The following USH2A variants were observed in gnomAD, a reference collection of about 807,000 sequenced individuals.
USH2A encodes the protein usherin.
A neutral mutation model predicts 538.9 loss-of-function variants in USH2A; 443 were observed. The ratio of observed to expected loss-of-function variants is 0.82; its 90% confidence interval spans 0.76 to 0.89. USH2A has a LOEUF of 0.89. USH2A is among the 40% of genes least tolerant of loss of function. The pLI is 0.00. For missense variants in USH2A, 6,633 were observed against 6,324.8 expected (o/e 1.05, Z -1.65); for synonymous variants, 2,413 against 2,273.5 (o/e 1.06, Z -1.75).
chr1:215,886,101 C>T (rs1482520393), intron 41 of USH2A, among the ~76,000 whole-genome samples: 1 of 152,184 alleles, frequency 6.6e-6, no homozygotes, highest in Non-Finnish European at 1.5e-5. Context: ...GTCAATAGAA[C>T]TGAAATTATT....
chr1:215,952,114 T>A (rs1175878812), intron 37 of USH2A, among the ~76,000 whole-genome samples: 2 of 152,138 alleles, frequency 1.3e-5, no homozygotes, highest in Non-Finnish European at 2.9e-5. Flanking sequence ...TCCACCCGCC[T>A]CGGCCTCCCA....
At chr1:215,762,951 G>A (rs1661022954) in intron 56 of USH2A, among the ~76,000 whole-genome samples, 1 of 152,106 alleles carries the variant, frequency 6.6e-6, no homozygotes, top group Non-Finnish European at 1.5e-5. Context: ...TTTATCTTGA[G>A]TTGCATGCCA....
chr1:215,903,743 A>T (rs1223052025), intron 38 of USH2A, among the ~76,000 whole-genome samples: 2 of 152,106 alleles, frequency 1.3e-5, no homozygotes, highest in Non-Finnish European at 2.9e-5. Context: ...GAGCAAAATA[A>T]AAGCAAAGGC....
intron 61 of USH2A, among the ~76,000 whole-genome samples, chr1:215,700,388 G>A (rs1486126123): frequency 6.6e-6 from 1 of 152,146 alleles, no homozygotes; most frequent in African/African-American, 2.4e-5. Context: ...AATTGTACCA[G>A]CTCCTCTTTG....
chr1:216,142,241 T>A (rs1047061373), intron 21 of USH2A, among the ~76,000 whole-genome samples: 46 of 152,118 alleles, frequency 3.0e-4, no homozygotes, highest in African/African-American at 9.4e-4. Context: ...GAAGGTAGGG[T>A]CTCACCACAT....
chr1:216,392,576 G>C (rs2039129837), intron 3 of USH2A, among the ~76,000 whole-genome samples: 1 of 147,050 alleles, frequency 6.8e-6, no homozygotes. Flanking sequence ...AACATCCATT[G>C]TCTTCTCTCA....
chr1:216,088,306 T>C (rs918592836), intron 23 of USH2A, among the ~76,000 whole-genome samples: 42 of 152,122 alleles, frequency 2.8e-4, no homozygotes, highest in African/African-American at 1.0e-3. Flanking sequence ...TCTCAGAATT[T>C]ATCACCACTT....
At chr1:215,973,710 CTA>C (rs1376152531) in intron 35 of USH2A, among the ~76,000 whole-genome samples, 1 of 140,178 alleles carries the variant, frequency 7.1e-6, no homozygotes, top group Admixed American at 7.6e-5. Context: ...CCTTAGCAAT[CTA>C]TGTTGAGAAG....
chr1:216,123,745 C>A (rs1487341966), intron 21 of USH2A, among the ~76,000 whole-genome samples: 1 of 152,086 alleles, frequency 6.6e-6, no homozygotes, highest in African/African-American at 2.4e-5. Flanking sequence ...AAGATTCAAA[C>A]CCAGAAATGT....
rs369033553 is a variant in USH2A at position 215,888,825 on chromosome 1, A to G, written c.7824T>C (p.Cys2608=). 6.2e-7 allele frequency: 1 copy of G among 1,614,038 alleles called. No homozygotes were observed. Among genetic ancestry groups the G allele is most frequent in the Non-Finnish European group, 8.5e-7 (1 of 1,180,016 alleles). Residue 2608 remains cysteine, a synonymous_variant, in exon 41 of 72, where the codon TGT becomes TGC. Transcript: ENST00000307340. ...CAGTCTGGGACTCTGGTGAAAGGGA[A>G]CATCCTTTTGAAGTGCAGGCTTCTA... ...FQVEACTSKG[C]SLSPESQTVW...
At chr1:216,092,259 GC>G (rs1454774881) in intron 22 of USH2A, among the ~76,000 whole-genome samples, 1 of 152,060 alleles carries the variant, frequency 6.6e-6, no homozygotes, top group Admixed American at 6.6e-5. Flanking sequence ...GTACCTGTGG[GC>G]AAAAGATTCA....
intron 4 of USH2A, among the ~76,000 whole-genome samples, chr1:216,336,775 G>C (rs2037982785): frequency 6.6e-6 from 1 of 151,392 alleles, no homozygotes; most frequent in Non-Finnish European, 1.5e-5. Flanking sequence ...ACTCAATATG[G>C]ATAATAGAAC....
At chr1:216,277,563 C>A (rs2036694664) in intron 11 of USH2A, among the ~76,000 whole-genome samples, 1 of 152,026 alleles carries the variant, frequency 6.6e-6, no homozygotes, top group African/African-American at 2.4e-5. Flanking sequence ...AGAGAATGCC[C>A]CTTTCGCTCT....
At chr1:215,759,536 T>C (rs997924482) in intron 57 of USH2A, 124 bp downstream of exon 57, 48 of 1,164,360 alleles carry the variant, frequency 4.1e-5, no homozygotes, top group Non-Finnish European at 5.5e-5. Context: ...AGTTATTGAA[T>C]GGCCAATGAA....
At chr1:215,650,854 A>T in intron 64 of USH2A, 53 bp from the exon 65 acceptor site, 63 of 262,914 alleles carry the variant, frequency 2.4e-4, no homozygotes, top group African/African-American at 3.1e-4. Context: ...TAAGGCTGGG[A>T]AAAAAAAAAA....
At chr1:216,077,733 A>C (rs2031798767) in intron 27 of USH2A, among the ~76,000 whole-genome samples, 1 of 149,750 alleles carries the variant, frequency 6.7e-6, no homozygotes, top group African/African-American at 2.4e-5. Context: ...ATTTATAATC[A>C]ACATATTTAT....
chr1:215,695,842 C>G (rs947960302), intron 61 of USH2A, among the ~76,000 whole-genome samples: 3 of 152,160 alleles, frequency 2.0e-5, no homozygotes, highest in African/African-American at 7.2e-5. Flanking sequence ...CCTCTGCCTC[C>G]TGGGTTCAAG....
At chr1:216,348,437 A>C (rs1056844041) in intron 4 of USH2A, among the ~76,000 whole-genome samples, 5 of 152,074 alleles carry the variant, frequency 3.3e-5, no homozygotes, top group Non-Finnish European at 7.4e-5. Flanking sequence ...TGATAGACTC[A>C]GGGGCCCGAA....
At chr1:216,205,860 G>T (rs1275898518) in intron 16 of USH2A, among the ~76,000 whole-genome samples, 1 of 152,062 alleles carries the variant, frequency 6.6e-6, no homozygotes, top group Non-Finnish European at 1.5e-5. Flanking sequence ...TTTTCATTCT[G>T]TCTTTAGGGA....
Sources: allele counts gnomAD v4.1 joint callset (sites outside exome capture counted in the v4.1 genomes callset), GRCh38; gene constraint gnomAD v4.1.1; transcripts MANE v1.5; gene names NCBI Gene and HGNC (gene_info 2026-07-23, HGNC 2026-07-21).